The following NCOA3 variants were observed in gnomAD, a reference collection of about 807,000 sequenced individuals.
NCOA3 encodes nuclear receptor coactivator 3.
NCOA3 carries 51 observed loss-of-function variants against 158.8 expected under a neutral mutation model. That is an observed-to-expected ratio of 0.32 (90% CI 0.26 to 0.41). NCOA3 has a LOEUF of 0.41. Among genes scored for constraint, NCOA3 ranks in the 10% least tolerant of loss-of-function variants. The pLI, the probability that NCOA3 is intolerant of heterozygous loss-of-function variation, is 1.00. For synonymous variants in NCOA3, 537 were observed against 592.4 expected (o/e 0.91, Z 1.36); for missense variants, 1,510 against 1,746.6 (o/e 0.86, Z 2.41).
chr20:47,550,444 C>T (rs1408139375), intron 1 of NCOA3, among the ~76,000 whole-genome samples: 4 of 20,694 alleles, frequency 1.9e-4, no homozygotes, highest in African/African-American at 1.1e-3. Flanking sequence ...AACTCCGTCT[C>T]AGAAAAAAAA....
In NCOA3 at chr20:47,597,996, A is replaced by G. The variant is rs1667906976; in HGVS notation, c.-20+14735A>G. On this transcript the variant is annotated intron_variant, in intron 2 of 22. Transcript: ENST00000371998. ...CGTGGTGGCTCACGCCTGTAATCCC[A>G]GCACTTTAGGAGGCCGAGGTGGGCG... Among the ~76,000 whole-genome samples the G allele has an allele frequency of 2.0e-5, 3 of 151,860 alleles. No homozygotes were observed. The South Asian group carries it at 6.3e-4, about 32-fold the overall frequency.
At chr20:47,565,684 C>A (rs1441605825) in intron 1 of NCOA3, among the ~76,000 whole-genome samples, 1 of 152,064 alleles carries the variant, frequency 6.6e-6, no homozygotes, top group Non-Finnish European at 1.5e-5. Flanking sequence ...CCACTGCACT[C>A]CAGCCTCAGC....
chr20:47,653,182 T>A, intron 22 of NCOA3, 110 bp downstream of exon 22: 1 of 1,324,750 alleles, frequency 7.5e-7, no homozygotes, highest in Non-Finnish European at 1.0e-6. Context: ...CTTGAATGTA[T>A]AACTTAAAAT....
chr20:47,648,423 G>C (rs1440601653), intron 18 of NCOA3, among the ~76,000 whole-genome samples: 2 of 151,996 alleles, frequency 1.3e-5, no homozygotes, highest in Admixed American at 6.5e-5. Context: ...CCCAGAGAAA[G>C]CCTGACTATA....
At chr20:47,642,121 G>C in intron 16 of NCOA3, 92 bp from the exon 17 acceptor site, 1 of 934,506 alleles carries the variant, frequency 1.1e-6, no homozygotes, top group East Asian at 2.5e-5. Flanking sequence ...TTGAGTTACT[G>C]TTCATTAAAA....
In NCOA3 at chr20:47,655,393, T is replaced by G; in HGVS notation, c.*1976T>G. ...GTTAATTTTAAGAATTTCACACATT[T>G]AGCCAATCTTTCTAGATGTCTCTGA... On this transcript the variant is annotated 3_prime_UTR_variant, in exon 23 of 23. Coordinates refer to ENST00000371998, the MANE Select transcript of NCOA3 (RefSeq NM_181659.3). 1 of 152,246 alleles carries G rather than the reference T, an allele frequency of 6.6e-6. No individual in the cohort carries two copies. Among genetic ancestry groups the G allele is most frequent in the Admixed American group, 6.5e-5 (1 of 15,286 alleles). The allele number at this position is 152,246 out of a possible 1,614,324, so 9.4% of individuals were successfully genotyped here. A position where few individuals can be genotyped will look rare whatever the true frequency, so the allele number is the denominator to read the frequency against.
At position 47,625,448 on chromosome 20, in the gene NCOA3, T is replaced by A; in HGVS notation, c.324T>A (p.Ile108=). 2.5e-6 allele frequency: 4 copies of A among 1,613,292 alleles called. No homozygotes were observed. The highest frequency in any genetic ancestry group is 3.4e-6 in the Non-Finnish European group (4 of 1,179,338). ...ADVSSTGQGV[I]DKDSLGPLLL... is the part of the protein sequence containing the mutation. ...TATCTTCTACAGGGCAGGGAGTTAT[T>A]GATAAAGACTCCTTAGGACCGCTTT... Residue 108 remains isoleucine, a synonymous_variant, in exon 5 of 23, where the codon ATT becomes ATA. Transcript: ENST00000371998.
intron 1 of NCOA3, among the ~76,000 whole-genome samples, chr20:47,524,439 C>T (rs2084394372): frequency 6.6e-6 from 1 of 152,148 alleles, no homozygotes; most frequent in Admixed American, 6.6e-5. Context: ...CCATACCCAC[C>T]ACTCTGATGG....
chr20:47,504,713 A>G (rs983282743), intron 1 of NCOA3, among the ~76,000 whole-genome samples: 3 of 151,684 alleles, frequency 2.0e-5, no homozygotes, highest in Non-Finnish European at 2.9e-5. Flanking sequence ...TTGAGGCAGA[A>G]GAATGGCTTG....
chr20:47,540,909 T>G (rs2084716629), intron 1 of NCOA3, among the ~76,000 whole-genome samples: 1 of 152,166 alleles, frequency 6.6e-6, no homozygotes, highest in Non-Finnish European at 1.5e-5. Context: ...TATTTTCAGT[T>G]AGTGAGATTA....
At chr20:47,574,956 G>A (rs905566065) in intron 1 of NCOA3, among the ~76,000 whole-genome samples, 5 of 152,126 alleles carry the variant, frequency 3.3e-5, no homozygotes, top group Non-Finnish European at 5.9e-5. Flanking sequence ...CTATTTTTAA[G>A]TATTAAGGAA....
At chr20:47,508,889 C>T (rs551460417) in intron 1 of NCOA3, among the ~76,000 whole-genome samples, 2 of 152,178 alleles carry the variant, frequency 1.3e-5, no homozygotes, top group Non-Finnish European at 2.9e-5. Context: ...TTGGACAAAT[C>T]AATCTCTCTT....
At chr20:47,594,649 A>G (rs2085714669) in intron 2 of NCOA3, among the ~76,000 whole-genome samples, 1 of 119,454 alleles carries the variant, frequency 8.4e-6, no homozygotes, top group Non-Finnish European at 1.6e-5. Context: ...TGGGCGACAG[A>G]GCGAGACTCT....
At chr20:47,504,571 A>G (rs1471902918) in intron 1 of NCOA3, among the ~76,000 whole-genome samples, 1 of 149,474 alleles carries the variant, frequency 6.7e-6, no homozygotes, top group Non-Finnish European at 1.5e-5. Context: ...TTGGGAAGCC[A>G]AGGCTGGTGG....
Position 47,605,769 on chromosome 20 carries a change from G to A in NCOA3, c.-19-16460G>A, listed in dbSNP as rs547385751. 4.8e-4 allele frequency among the ~76,000 whole-genome samples: 73 copies of A among 152,224 alleles called. 1 individual carries two copies. In the Middle Eastern group the frequency reaches 0.01, roughly 21 times the overall value. On this transcript the variant is annotated intron_variant, in intron 2 of 22. Coordinates refer to ENST00000371998, the MANE Select transcript of NCOA3 (RefSeq NM_181659.3). The stretch of plus-strand genomic sequence containing the variant: ...ATATTTGTCATGTTTGAGCGTAACT[G>A]TGTCTTTTGAAGTTAATACAAAATT...
chr20:47,552,340 C>G (rs964113878), intron 1 of NCOA3, among the ~76,000 whole-genome samples: 10 of 152,164 alleles, frequency 6.6e-5, no homozygotes, highest in Admixed American at 1.3e-4. Context: ...CCATTTCTGA[C>G]TTTAAAAAAT....
intron 2 of NCOA3, among the ~76,000 whole-genome samples, chr20:47,595,193 G>T (rs1479036321): frequency 6.7e-6 from 1 of 150,252 alleles, no homozygotes; most frequent in Non-Finnish European, 1.5e-5. Flanking sequence ...CTGCCTGTTG[G>T]GTTCAAGCGA....
rs1197276799 is a variant in NCOA3, at chr20:47,519,776, T to C, written c.-99+17757T>C. On this transcript the variant is annotated intron_variant, in intron 1 of 22. Transcript: ENST00000371998. ...AACTCTTGTCTCCACAGAAAATTTT[T>C]TTTTTTGAGAGAGTCTCGCTGTGTT... is the stretch of plus-strand genomic sequence containing the variant. Among the ~76,000 whole-genome samples, 4 of 152,190 alleles carry C rather than the reference T, an allele frequency of 2.6e-5. No individual in the cohort carries two copies. In the East Asian group the frequency reaches 7.7e-4, roughly 29 times the overall value.
chr20:47,518,171 A>AC (rs1350553483), intron 1 of NCOA3, among the ~76,000 whole-genome samples: 2 of 149,620 alleles, frequency 1.3e-5, no homozygotes, highest in African/African-American at 4.9e-5. Context: ...ACATAGGGAG[A>AC]CCCCGTCTCT....
Sources: gnomAD v4.1 joint callset for allele counts (sites outside exome capture counted in the v4.1 genomes callset) on GRCh38, gnomAD v4.1.1 for gene constraint, MANE v1.5 for transcripts, NCBI Gene and HGNC (gene_info 2026-07-23, HGNC 2026-07-21) for gene names.